Variants in ADCY5 observed in about 807,000 individuals in gnomAD.
ADCY5 encodes adenylate cyclase type 5.
ADCY5 carries 30 observed loss-of-function variants against 119.7 expected under a neutral mutation model. The observed-to-expected ratio is 0.25, with a 90% CI of 0.19 to 0.34. The LOEUF is 0.34. Among genes scored for constraint, ADCY5 ranks in the 10% least tolerant of loss-of-function variants. The pLI is 1.00. For missense variants in ADCY5, 1,324 were observed against 1,775.2 expected (o/e 0.75, Z 4.57); for synonymous variants, 753 against 762.2 (o/e 0.99, Z 0.20).
intron 16 of ADCY5, 73 bp from the exon 17 acceptor site, chr3:123,296,289 C>T: frequency 1.3e-6 from 2 of 1,516,474 alleles, no homozygotes; most frequent in South Asian, 2.4e-5. Flanking sequence ...CCCACCCCCA[C>T]CCACTGCTGG....
At chr3:123,311,621 A>AGGC (rs1185883090) in intron 12 of ADCY5, among the ~76,000 whole-genome samples, 1 of 152,182 alleles carries the variant, frequency 6.6e-6, no homozygotes, top group Non-Finnish European at 1.5e-5. Context: ...CCAGGAGAGG[A>AGGC]GGCGGCGGCA....
Position 123,352,475 on chromosome 3 carries a change from C to G in ADCY5, c.1241G>C (p.Cys414Ser). 1 of 1,613,878 alleles carries G rather than the reference C, an allele frequency of 6.2e-7. No individual in the cohort carries two copies. ...QRQAFQETRE[C>S]IQARLHSQRE... ...CTGCGAGTGGAGCCGCGCCTGGATG[C>G]ACTCTCGGGTCTCCTGGAAAGCCTG... The change falls in exon 2 of 21, where the codon TGC becomes TCC. Residue 414 changes from cysteine to serine, a missense_variant. Physicochemically the swap from Cys to Ser is moderately radical, Grantham distance 112. This residue lies in a region of ADCY5 where 123 missense variants were observed against 287.9 expected (regional missense o/e 0.43). Transcript: ENST00000462833. The surrounding 1 kb of genome is among the most constrained non-coding windows in gnomAD (Gnocchi z 4.8).
chr3:123,299,883 C>T (rs4328752), intron 15 of ADCY5, among the ~76,000 whole-genome samples: 1 of 152,142 alleles, frequency 6.6e-6, no homozygotes, highest in African/African-American at 2.4e-5. Flanking sequence ...CCCTGGCAAG[C>T]GGGGAGCAAA....
chr3:123,334,216 C>T (rs574114596), intron 3 of ADCY5, among the ~76,000 whole-genome samples: 4 of 152,046 alleles, frequency 2.6e-5, no homozygotes, highest in South Asian at 2.1e-4. Context: ...ACTGAGTCCG[C>T]GCAAAAGCCC....
chr3:123,432,675 T>C (rs1426927004), intron 1 of ADCY5, among the ~76,000 whole-genome samples: 1 of 152,118 alleles, frequency 6.6e-6, no homozygotes. Flanking sequence ...CACAGGTACA[T>C]GCCACCTTGC....
At chr3:123,357,514 G>A (rs1262030717) in intron 1 of ADCY5, among the ~76,000 whole-genome samples, 1 of 152,180 alleles carries the variant, frequency 6.6e-6, no homozygotes, top group East Asian at 1.9e-4. Flanking sequence ...AAGATGCGTG[G>A]TAACCCAATA....
intron 6 of ADCY5, 133 bp downstream of exon 6, chr3:123,328,511 G>T: frequency 3.8e-6 from 4 of 1,059,660 alleles, no homozygotes; most frequent in South Asian, 1.5e-5. Flanking sequence ...TCACCCCAGC[G>T]CCCCCACAGG....
intron 1 of ADCY5, among the ~76,000 whole-genome samples, chr3:123,360,249 C>T (rs1943200828): frequency 6.6e-6 from 1 of 152,058 alleles, no homozygotes; most frequent in Non-Finnish European, 1.5e-5. Flanking sequence ...CAGCTCTATA[C>T]CACTGGCTCT....
intron 20 of ADCY5, among the ~76,000 whole-genome samples, chr3:123,285,790 T>C (rs758046917): frequency 6.6e-6 from 1 of 152,194 alleles, no homozygotes; most frequent in Non-Finnish European, 1.5e-5. Flanking sequence ...CTTCTCTCCT[T>C]TGCACAGGGA....
intron 2 of ADCY5, 143 bp from the exon 3 acceptor site, chr3:123,348,046 T>TGTGTGTGTGTGTGTGTGG: frequency 1.4e-6 from 1 of 703,128 alleles, no homozygotes; most frequent in Non-Finnish European, 2.4e-6. Context: ...AGTGTGTGTG[T>TGTGTGTGTGTGTGTGTGG]GTGTGTGTGT....
intron 3 of ADCY5, among the ~76,000 whole-genome samples, chr3:123,347,438 A>G (rs2108479433): frequency 6.6e-6 from 1 of 152,172 alleles, no homozygotes; most frequent in South Asian, 2.1e-4. Context: ...GATGGTGGTG[A>G]CATTCGGGTC....
At chr3:123,323,949 G>T (rs1941350558) in intron 8 of ADCY5, among the ~76,000 whole-genome samples, 1 of 152,122 alleles carries the variant, frequency 6.6e-6, no homozygotes, top group Non-Finnish European at 1.5e-5. Flanking sequence ...GGCTGGGGTG[G>T]CAATGGGGAG....
chr3:123,288,383 G>A (rs1220515378), intron 19 of ADCY5, among the ~76,000 whole-genome samples: 2 of 152,154 alleles, frequency 1.3e-5, no homozygotes, highest in Non-Finnish European at 2.9e-5. Context: ...ACATACCCAG[G>A]GAGTTGATAA....
At chr3:123,398,654 A>G (rs1220525125) in intron 1 of ADCY5, among the ~76,000 whole-genome samples, 1 of 151,742 alleles carries the variant, frequency 6.6e-6, no homozygotes, top group East Asian at 1.9e-4. Flanking sequence ...ACACACTCCA[A>G]CCTCAACCCT....
intron 1 of ADCY5, among the ~76,000 whole-genome samples, chr3:123,355,808 C>T (rs1028635359): frequency 1.3e-5 from 2 of 152,080 alleles, no homozygotes; most frequent in African/African-American, 4.8e-5. Flanking sequence ...CAAATTGATA[C>T]ACAGATGCAA....
At chr3:123,441,506 C>T (rs1326126580) in intron 1 of ADCY5, among the ~76,000 whole-genome samples, 1 of 152,170 alleles carries the variant, frequency 6.6e-6, no homozygotes, top group African/African-American at 2.4e-5. Flanking sequence ...TGTCATCTAC[C>T]TAGAGCTGAG....
At chr3:123,406,800 C>T (rs1364701505) in intron 1 of ADCY5, among the ~76,000 whole-genome samples, 2 of 152,116 alleles carry the variant, frequency 1.3e-5, no homozygotes, top group Non-Finnish European at 2.9e-5. Context: ...CCTAATAAGG[C>T]CCTCTCAACA....
At chr3:123,434,324 AG>A (rs1446068571) in intron 1 of ADCY5, among the ~76,000 whole-genome samples, 2 of 152,246 alleles carry the variant, frequency 1.3e-5, no homozygotes, top group Non-Finnish European at 2.9e-5. Flanking sequence ...CAGCTTACAG[AG>A]TGCCCTCACC....
At chr3:123,416,201 C>A (rs1945181916) in intron 1 of ADCY5, 1 of 1,536,012 alleles carries the variant, frequency 6.5e-7, no homozygotes, top group African/African-American at 1.4e-5. Context: ...GGGGCCCATT[C>A]TCCTCCAGGA....
Sources: gnomAD v4.1 joint callset for allele counts (sites outside exome capture counted in the v4.1 genomes callset) on GRCh38, gnomAD v4.1.1 for gene constraint, gnomAD v4.1.1 regional missense constraint, Gnocchi (gnomAD v3.1) non-coding constraint, MANE v1.5 for transcripts, NCBI Gene and HGNC (gene_info 2026-07-23, HGNC 2026-07-21) for gene names.